Variants in RPL24 observed in about 807,000 individuals in gnomAD.
RPL24 encodes ribosomal protein L24, also known as large ribosomal subunit protein eL24.
A neutral mutation model predicts 26.4 loss-of-function variants in RPL24; 7 were observed. That is an observed-to-expected ratio of 0.27 (90% confidence interval 0.15 to 0.50). The LOEUF is 0.50. Ranked by LOEUF, RPL24 falls within the 20% of genes least tolerant of loss-of-function variation. The pLI is 0.98. For missense variants in RPL24, 109 were observed against 194.9 expected (o/e 0.56, Z 2.62); for synonymous variants, 67 against 65.2 (o/e 1.03, Z -0.13).
At position 101,682,751 on chromosome 3, in the gene RPL24, A is replaced by G. The variant is rs973480658; in HGVS notation, c.329+20T>C. On this transcript the variant is annotated intron_variant, in intron 4 of 5. Transcript: ENST00000394077. Reference sequence around the variant, plus strand: ...ATCCATCCGAATAGGTAAAATGCTCATAATGAAAGCATTCCTCACCTGATA... The same window carrying G: ...ATCCATCCGAATAGGTAAAATGCTCGTAATGAAAGCATTCCTCACCTGATA... 1 of 1,609,492 alleles carries G rather than the reference A, an allele frequency of 6.2e-7. No individual in the cohort carries two copies. Among genetic ancestry groups the G allele is most frequent in the African/African-American group, 1.3e-5 (1 of 74,908 alleles).
intron 3 of RPL24, 99 bp from the exon 4 acceptor site, chr3:101,683,006 T>A (rs2108338285): frequency 9.7e-7 from 1 of 1,034,874 alleles, no homozygotes; most frequent in Middle Eastern, 2.1e-4. Flanking sequence ...TGAAGTATTT[T>A]AAGATTCATA....
intron 5 of RPL24, 102 bp downstream of exon 5, chr3:101,682,327 C>G: frequency 1.1e-6 from 1 of 913,904 alleles, no homozygotes. Flanking sequence ...GATCAGATCA[C>G]GCCACTGCAC....
In RPL24 at chr3:101,685,106, G is replaced by C. The variant is rs78951590; in HGVS notation, c.192+712C>G. Among the ~76,000 whole-genome samples, 956 of 151,846 alleles carry C rather than the reference G, an allele frequency of 6.3e-3. 20 individuals carry two copies. Among genetic ancestry groups the C allele is most frequent in the African/African-American group, 0.022 (916 of 41,430 alleles). On this transcript the variant is annotated intron_variant, in intron 3 of 5. Coordinates refer to ENST00000394077, the MANE Select transcript of RPL24 (RefSeq NM_000986.4). ...AGAAAACACCAAATGATTTTTCACA[G>C]CTGTTGCATATTTAGCAATGCACAA... is the stretch of plus-strand genomic sequence containing the variant.
intron 3 of RPL24, among the ~76,000 whole-genome samples, chr3:101,684,776 CAA>C (rs57278210): frequency 3.6e-4 from 19 of 53,188 alleles, no homozygotes; most frequent in South Asian, 1.0e-3. Flanking sequence ...CCTGTCTCCC[CAA>C]AAAAAAAAAA....
At chr3:101,682,659 C>G (rs113728515) in intron 4 of RPL24, 112 bp downstream of exon 4, 320 of 1,261,032 alleles carry the variant, frequency 2.5e-4, no homozygotes, top group Admixed American at 5.0e-4. Context: ...TTTTCATTAA[C>G]CACCAAATCA....
At chr3:101,682,679 A>T in intron 4 of RPL24, 92 bp downstream of exon 4, 1 of 1,322,122 alleles carries the variant, frequency 7.6e-7, no homozygotes, top group Non-Finnish European at 1.1e-6. Flanking sequence ...AGCTTAACAT[A>T]TATTAATCTA....
rs201260369 is a variant in RPL24 at position 101,682,190 on chromosome 3, TAAAC to T, written c.393+235_393+238del. The stretch of plus-strand genomic sequence containing the variant: ...GACATGGTGAAACCCTGTCTCTACT[TAAAC>T]AAACAAACAAACAAACAAAAAATCA... On this transcript the variant is annotated intron_variant, in intron 5 of 5. Coordinates refer to ENST00000394077, the MANE Select transcript of RPL24 (RefSeq NM_000986.4). 5.5e-3 allele frequency: 2,542 copies of T among 460,910 alleles called. 41 individuals are homozygous for T. The highest frequency in any genetic ancestry group is 0.04 in the African/African-American group (2,001 of 50,198). The allele number at this position is 460,910 out of a possible 1,614,324, so 28.6% of individuals were successfully genotyped here.
chr3:101,683,817 C>T (rs559823907), intron 3 of RPL24, among the ~76,000 whole-genome samples: 103 of 151,312 alleles, frequency 6.8e-4, no homozygotes, highest in Non-Finnish European at 1.3e-3. Flanking sequence ...GGGGTTCAAG[C>T]AATTCTGCCT....
chr3:101,684,098 A>G (rs1291322115), intron 3 of RPL24, among the ~76,000 whole-genome samples: 1 of 151,650 alleles, frequency 6.6e-6, no homozygotes, highest in South Asian at 2.1e-4. Context: ...AGCTCAAGGG[A>G]TCCTCTTGCC....
chr3:101,682,506 G>GT lies in RPL24; in HGVS notation c.330-15dup, dbSNP rs1937276534. 1 of 1,608,986 alleles carries GT rather than the reference G, an allele frequency of 6.2e-7. No individual in the cohort carries two copies. Among genetic ancestry groups the GT allele is most frequent in the Non-Finnish European group, 8.5e-7 (1 of 1,176,884 alleles). ...TCCTTAGCAGCCCTGTGGGGTAAAA[G>GT]TAACTTAAGGCAAAAGCACTTTACT... On this transcript the variant is annotated splice_polypyrimidine_tract_variant and intron_variant, in intron 4 of 5. Transcript: ENST00000394077.
chr3:101,685,060 ATTT>A (rs1937318476), intron 3 of RPL24, among the ~76,000 whole-genome samples: 1 of 152,010 alleles, frequency 6.6e-6, no homozygotes, highest in Non-Finnish European at 1.5e-5. Flanking sequence ...TGCTGGGATA[ATTT>A]TTATGTTTAC....
chr3:101,684,020 A>G (rs1486057165), intron 3 of RPL24, among the ~76,000 whole-genome samples: 2 of 151,684 alleles, frequency 1.3e-5, no homozygotes, highest in African/African-American at 4.8e-5. Context: ...CCTGTTTTCT[A>G]TTTTTTTAAG....
At position 101,685,931 on chromosome 3, in the gene RPL24, A is replaced by G. The variant is rs370447568; in HGVS notation, c.82-3T>C. The G allele has an allele frequency of 5.0e-5, 79 of 1,585,644 alleles. No homozygotes were observed. The highest frequency in any genetic ancestry group is 6.8e-5 in the Non-Finnish European group (78 of 1,154,112). ...TTCGCATTAAGAAACTGGAAAACCTAGAGTGACAAATGCAAAGGAATTACT... is the reference window on the plus strand; with the variant it reads ...TTCGCATTAAGAAACTGGAAAACCTGGAGTGACAAATGCAAAGGAATTACT... On this transcript the variant is annotated splice_polypyrimidine_tract_variant and splice_region_variant and intron_variant, in intron 2 of 5. Coordinates refer to ENST00000394077, the MANE Select transcript of RPL24 (RefSeq NM_000986.4).
chr3:101,683,036 T>C (rs900776631), intron 3 of RPL24, 129 bp from the exon 4 acceptor site: 1 of 855,202 alleles, frequency 1.2e-6, no homozygotes, highest in East Asian at 2.7e-5. Flanking sequence ...AAATAATTCA[T>C]ATATTTGAAA....
At chr3:101,682,043 A>C (rs1461699357) in intron 5 of RPL24, 2 of 181,990 alleles carry the variant, frequency 1.1e-5, no homozygotes, top group African/African-American at 4.7e-5. Flanking sequence ...TTCATTTATC[A>C]CAATTTAGAC....
chr3:101,682,500 G>A lies in RPL24; in HGVS notation c.330-8C>T. The A allele has an allele frequency of 6.2e-7, 1 of 1,610,884 alleles. No homozygotes were observed. The highest frequency in any genetic ancestry group is 8.5e-7 in the Non-Finnish European group (1 of 1,178,480). ...TTTGCTTCCTTAGCAGCCCTGTGGG[G>A]TAAAAGTAACTTAAGGCAAAAGCAC... On this transcript the variant is annotated splice_polypyrimidine_tract_variant and splice_region_variant and intron_variant, in intron 4 of 5. Transcript: ENST00000394077.
chr3:101,682,858 G>C lies in RPL24; in HGVS notation c.242C>G (p.Ala81Gly). 6.2e-7 allele frequency: 1 copy of C among 1,613,706 alleles called. No individual in the cohort carries two copies. Among genetic ancestry groups the C allele is most frequent in the Non-Finnish European group, 8.5e-7 (1 of 1,179,730 alleles). ...ATCAGCAAGAGATGCACCAGTAATG[G>C]CCCTCTGGAATTTGACTGCTCGGCG... ...RTRRAVKFQR[A>G]ITGASLADIM... The change falls in exon 4 of 6, where the codon GCC becomes GGC. Residue 81 changes from alanine to glycine, a missense_variant. By Grantham distance (60) the Ala-to-Gly change is moderately conservative (BLOSUM62 0). This residue lies in a region of RPL24 where 1 missense variants were observed against 18.4 expected (regional missense o/e 0.05). Coordinates refer to ENST00000394077, the MANE Select transcript of RPL24 (RefSeq NM_000986.4).
intron 3 of RPL24, among the ~76,000 whole-genome samples, chr3:101,683,438 C>T (rs563711300): frequency 8.5e-5 from 13 of 152,176 alleles, no homozygotes; most frequent in East Asian, 5.8e-4. Flanking sequence ...AAAGTATATT[C>T]GAATAGTTGT....
intron 3 of RPL24, among the ~76,000 whole-genome samples, chr3:101,684,998 G>GT (rs1937317716): frequency 6.6e-6 from 1 of 151,732 alleles, no homozygotes; most frequent in Non-Finnish European, 1.5e-5. Flanking sequence ...TGATATACAA[G>GT]TTATAGAGTC....
Sources: allele counts gnomAD v4.1 joint callset (sites outside exome capture counted in the v4.1 genomes callset), GRCh38; gene constraint gnomAD v4.1.1; regional missense constraint gnomAD v4.1.1; transcripts MANE v1.5; gene names NCBI Gene and HGNC (gene_info 2026-07-23, HGNC 2026-07-21).